SIAH1: variants seen among roughly 807,000 people sequenced by gnomAD.
The protein encoded by SIAH1 is siah E3 ubiquitin protein ligase 1, also known as E3 ubiquitin-protein ligase SIAH1.
Under a neutral mutation model 20.0 loss-of-function variants are expected in SIAH1, and 2 were observed. The observed-to-expected ratio is 0.10, with a 90% CI of 0.04 to 0.31. The LOEUF is 0.31. SIAH1 is among the 10% of genes least tolerant of loss of function. The pLI is 1.00. For synonymous variants in SIAH1, 118 were observed against 125.3 expected (o/e 0.94, Z 0.39); for missense variants, 119 against 355.3 (o/e 0.33, Z 5.35).
intron 1 of SIAH1, among the ~76,000 whole-genome samples, chr16:48,376,460 G>A (rs893790865): frequency 6.6e-6 from 1 of 151,914 alleles, no homozygotes; most frequent in Non-Finnish European, 1.5e-5. Context: ...TACATATTTT[G>A]TAGACATTTT....
chr16:48,381,464 A>G lies in SIAH1; in HGVS notation c.-3+3740T>C, dbSNP rs114698202. 8.2e-3 allele frequency among the ~76,000 whole-genome samples: 1,256 copies of G among 152,366 alleles called. 15 individuals are homozygous for G. The highest frequency in any genetic ancestry group is 0.028 in the African/African-American group (1,163 of 41,578). On this transcript the variant is annotated intron_variant, in intron 1 of 1. Coordinates refer to ENST00000394725, the MANE Select transcript of SIAH1 (RefSeq NM_003031.4). ...CAAAAACCTGCAAATGGACGTTTAC[A>G]GCAGCTTTATTCAGAATTGCCAAGA...
intron 1 of SIAH1, chr16:48,365,816 G>T (rs1020372443): frequency 8.0e-7 from 1 of 1,252,956 alleles, no homozygotes. Flanking sequence ...TCCAGTGGAG[G>T]CCACGGATGC....
intron 1 of SIAH1, among the ~76,000 whole-genome samples, chr16:48,366,128 C>A (rs909863140): frequency 1.3e-5 from 2 of 150,294 alleles, no homozygotes; most frequent in Admixed American, 1.3e-4. Context: ...CCAGCGACAT[C>A]GAACCTTCCT....
chr16:48,374,545 G>A (rs958408502), intron 1 of SIAH1, among the ~76,000 whole-genome samples: 2 of 152,108 alleles, frequency 1.3e-5, no homozygotes, highest in Non-Finnish European at 2.9e-5. Context: ...GAAAAAGAAC[G>A]GGGTTACAAT....
intron 1 of SIAH1, among the ~76,000 whole-genome samples, chr16:48,372,656 T>C (rs1388702810): frequency 6.6e-6 from 1 of 152,178 alleles, no homozygotes; most frequent in African/African-American, 2.4e-5. Context: ...AAAGCCTAAA[T>C]GCCATCATGG....
At chr16:48,376,371 G>A (rs1961109875) in intron 1 of SIAH1, among the ~76,000 whole-genome samples, 1 of 151,956 alleles carries the variant, frequency 6.6e-6, no homozygotes, top group African/African-American at 2.4e-5. Flanking sequence ...TTTTCTCCTT[G>A]CTTTCACTTT....
intron 1 of SIAH1, among the ~76,000 whole-genome samples, chr16:48,380,217 A>T (rs879465883): frequency 6.6e-6 from 1 of 151,690 alleles, no homozygotes; most frequent in Non-Finnish European, 1.5e-5. Context: ...TGAGGCAGGC[A>T]GATCACTTGA....
chr16:48,366,613 A>G (rs776320935), intron 1 of SIAH1, among the ~76,000 whole-genome samples: 27 of 152,198 alleles, frequency 1.8e-4, no homozygotes, highest in Non-Finnish European at 2.6e-4. Flanking sequence ...TTGCCCCAAT[A>G]AAGTCCTGCG....
chr16:48,371,318 A>C (rs1467403524), intron 1 of SIAH1, among the ~76,000 whole-genome samples: 1 of 152,188 alleles, frequency 6.6e-6, no homozygotes, highest in Non-Finnish European at 1.5e-5. Flanking sequence ...GTTGTCTCTA[A>C]TCTCATCTTC....
At chr16:48,367,894 C>T (rs543337054) in intron 1 of SIAH1, among the ~76,000 whole-genome samples, 1 of 152,322 alleles carries the variant, frequency 6.6e-6, no homozygotes, top group South Asian at 2.1e-4. Context: ...ATTACCTACA[C>T]TTTCTAAAGC....
At chr16:48,384,881 C>T (rs1289927902) in intron 1 of SIAH1, among the ~76,000 whole-genome samples, 1 of 143,486 alleles carries the variant, frequency 7.0e-6, no homozygotes, top group Non-Finnish European at 1.6e-5. Context: ...CTCCCGGGCG[C>T]GCGGGGGCCG....
chr16:48,361,804 C>A lies in SIAH1; in HGVS notation c.625G>T (p.Val209Leu). 1.2e-6 allele frequency: 2 copies of A among 1,614,154 alleles called. No homozygotes were observed. The highest frequency in any genetic ancestry group is 1.7e-6 in the Non-Finnish European group (2 of 1,180,034). The part of the protein sequence containing the change: ...YDGHQQFFAI[V>L]QLIGTRKQAE... Reference sequence around the variant, plus strand: ...TGCTTGCGTGTTCCTATCAGCTGTACGATTGCGAAGAACTGCTGGTGACCA... The same window carrying A: ...TGCTTGCGTGTTCCTATCAGCTGTAAGATTGCGAAGAACTGCTGGTGACCA... Residue 209 changes from valine (V) to leucine (L), a missense_variant, in exon 2 of 2, where the codon GTA becomes TTA. By Grantham distance (32) the Val-to-Leu change is conservative (BLOSUM62 1). Transcript: ENST00000394725.
intron 1 of SIAH1, among the ~76,000 whole-genome samples, chr16:48,371,114 C>CA (rs11342599): frequency 0.026 from 2,946 of 111,312 alleles, 35 homozygotes; most frequent in Middle Eastern, 0.04. Context: ...AATTCCATCT[C>CA]AAAAAAAAAA....
chr16:48,361,568 T>C lies in SIAH1; in HGVS notation c.*12A>G, dbSNP rs1249355869. 5 of 1,609,334 alleles carry C rather than the reference T, an allele frequency of 3.1e-6. No individual in the cohort carries two copies. The highest frequency in any genetic ancestry group is 2.7e-5 in the African/African-American group (2 of 74,916). On this transcript the variant is annotated 3_prime_UTR_variant, in exon 2 of 2. Transcript: ENST00000394725. ...GTTTTAAACACTGGCCAGAAAATGT[T>C]TGATTGCCATTTCAACACATGGAAA...
intron 1 of SIAH1, chr16:48,365,907 G>A (rs2151047394): frequency 8.1e-7 from 1 of 1,228,770 alleles, no homozygotes; most frequent in Non-Finnish European, 1.0e-6. Context: ...CCTGCCGGGA[G>A]AGCCATTTGG....
intron 1 of SIAH1, among the ~76,000 whole-genome samples, chr16:48,380,112 G>A (rs1334438679): frequency 5.3e-5 from 8 of 152,164 alleles, no homozygotes; most frequent in Non-Finnish European, 5.9e-5. Flanking sequence ...AAAAATATCT[G>A]CAAAAGACGT....
intron 1 of SIAH1, among the ~76,000 whole-genome samples, chr16:48,369,985 C>G (rs1328067383): frequency 6.6e-6 from 1 of 152,172 alleles, no homozygotes; most frequent in East Asian, 1.9e-4. Flanking sequence ...GCATAAATTC[C>G]ACAGCTTACA....
intron 1 of SIAH1, among the ~76,000 whole-genome samples, chr16:48,381,255 G>T (rs1171176153): frequency 6.6e-6 from 1 of 152,112 alleles, no homozygotes; most frequent in Non-Finnish European, 1.5e-5. Flanking sequence ...TGAGGCACGA[G>T]AATCACTTGA....
At chr16:48,383,851 C>A (rs368730466) in intron 1 of SIAH1, among the ~76,000 whole-genome samples, 1 of 152,196 alleles carries the variant, frequency 6.6e-6, no homozygotes, top group Non-Finnish European at 1.5e-5. Flanking sequence ...TTTCATCATA[C>A]CAACACATCA....
Sources: allele counts gnomAD v4.1 joint callset (sites outside exome capture counted in the v4.1 genomes callset), GRCh38; gene constraint gnomAD v4.1.1; transcripts MANE v1.5; gene names NCBI Gene and HGNC (gene_info 2026-07-23, HGNC 2026-07-21).